ANO6: variants seen among roughly 807,000 people sequenced by gnomAD.
ANO6 encodes the protein anoctamin-6.
In ANO6, 106 loss-of-function variants were observed where a neutral mutation model predicts 117.5. The observed-to-expected ratio is 0.90, with a 90% CI of 0.77 to 1.06. The LOEUF (loss-of-function observed/expected upper bound fraction) is 1.06. Ranked by LOEUF, ANO6 falls within the 50% of genes least tolerant of loss-of-function variation. The pLI, the probability that ANO6 is intolerant of heterozygous loss-of-function variation, is 0.00. For missense variants in ANO6, 955 were observed against 1,121.1 expected, an observed-to-expected ratio of 0.85 and a Z score of 2.12; for synonymous variants, 367 against 385.1, an observed-to-expected ratio of 0.95 and a Z score of 0.55.
At chr12:45,316,979 G>A (rs1940051856) in intron 2 of ANO6, among the ~76,000 whole-genome samples, 2 of 148,016 alleles carry the variant, frequency 1.4e-5, no homozygotes, top group Non-Finnish European at 3.0e-5. Context: ...TAAAAAATAT[G>A]TATTAATTCA....
chr12:45,231,697 C>G (rs191427855), intron 1 of ANO6, among the ~76,000 whole-genome samples: 75 of 152,260 alleles, frequency 4.9e-4, no homozygotes, highest in Non-Finnish European at 8.8e-4. Context: ...TTTTCTGCCT[C>G]CATTTAAATT....
chr12:45,300,879 AATG>A (rs1939459578), intron 1 of ANO6, among the ~76,000 whole-genome samples: 1 of 152,222 alleles, frequency 6.6e-6, no homozygotes, highest in Admixed American at 6.5e-5. Flanking sequence ...ACATGCTGCA[AATG>A]ATTGTTTTGT....
At chr12:45,314,978 G>A (rs1047172084) in intron 2 of ANO6, among the ~76,000 whole-genome samples, 4 of 152,044 alleles carry the variant, frequency 2.6e-5, no homozygotes, top group African/African-American at 7.2e-5. Context: ...TTTGCATTGA[G>A]CCTAGAGTTG....
At chr12:45,294,402 TTC>T (rs1350099499) in intron 1 of ANO6, among the ~76,000 whole-genome samples, 1 of 152,346 alleles carries the variant, frequency 6.6e-6, no homozygotes, top group African/African-American at 2.4e-5. Context: ...ATGAATAACT[TTC>T]TTTTTCCTTC....
intron 1 of ANO6, among the ~76,000 whole-genome samples, chr12:45,240,351 A>ATTTTTTTTTTTTT (rs57126852): frequency 3.3e-5 from 1 of 30,700 alleles, no homozygotes; most frequent in Non-Finnish European, 8.7e-5. Flanking sequence ...GCAACCCCTG[A>ATTTTTTTTTTTTT]TTTTTTTTTT....
At chr12:45,383,710 A>T (rs544919292) in intron 10 of ANO6, among the ~76,000 whole-genome samples, 1 of 152,230 alleles carries the variant, frequency 6.6e-6, no homozygotes, top group Non-Finnish European at 1.5e-5. Context: ...TTTTATGAAC[A>T]ATGGGCTTAA....
At chr12:45,331,530 C>A in intron 3 of ANO6, 107 bp downstream of exon 3, 1 of 1,054,428 alleles carries the variant, frequency 9.5e-7, no homozygotes, top group Non-Finnish European at 1.4e-6. Context: ...AAATATCATA[C>A]ACAAAACAGT....
intron 2 of ANO6, among the ~76,000 whole-genome samples, chr12:45,311,372 A>G (rs1424581889): frequency 6.6e-6 from 1 of 152,116 alleles, no homozygotes; most frequent in Non-Finnish European, 1.5e-5. Context: ...ATGTGATAAC[A>G]ATGTCAAAAG....
intron 1 of ANO6, among the ~76,000 whole-genome samples, chr12:45,242,782 T>C (rs1182569925): frequency 6.6e-6 from 1 of 152,248 alleles, no homozygotes; most frequent in African/African-American, 2.4e-5. Context: ...AGTTCCCCTC[T>C]GAGTGGTTTT....
In ANO6 at chr12:45,422,941, T is replaced by G. The variant is rs1943403615; in HGVS notation, c.2421-16T>G. 1.3e-6 allele frequency: 2 copies of G among 1,558,448 alleles called. No individual in the cohort carries two copies. Among genetic ancestry groups the G allele is most frequent in the African/African-American group, 2.7e-5 (2 of 73,638 alleles). ...AAAAAGATTTGTCTCCCAATATGTC[T>G]CCATTTTGTTTTCAGGTATCGTGAT... On this transcript the variant is annotated splice_polypyrimidine_tract_variant and intron_variant, in intron 18 of 19. Coordinates refer to ENST00000320560, the MANE Select transcript of ANO6 (RefSeq NM_001025356.3).
chr12:45,311,516 A>G, intron 2 of ANO6, among the ~76,000 whole-genome samples: 1 of 152,078 alleles, frequency 6.6e-6, no homozygotes, highest in Non-Finnish European at 1.5e-5. Flanking sequence ...TTGAGAGGGA[A>G]TGATCAGCAT....
intron 1 of ANO6, among the ~76,000 whole-genome samples, chr12:45,244,927 G>A (rs1051740121): frequency 1.3e-5 from 2 of 152,178 alleles, no homozygotes; most frequent in African/African-American, 4.8e-5. Context: ...AATTAATGCG[G>A]TGACAAAAAG....
chr12:45,220,606 A>G (rs888800710), intron 1 of ANO6, among the ~76,000 whole-genome samples: 3 of 152,218 alleles, frequency 2.0e-5, no homozygotes, highest in Non-Finnish European at 4.4e-5. Flanking sequence ...CCAGGAGAAA[A>G]GTTCCTTAGA....
Position 45,431,762 on chromosome 12 carries a change from G to A in ANO6, c.*2451G>A. 1.0e-6 allele frequency: 1 copy of A among 985,458 alleles called. No homozygotes were observed. The highest frequency in any genetic ancestry group is 1.2e-6 in the Non-Finnish European group (1 of 829,966). 61.0% of individuals were successfully genotyped at this position (985,458 alleles called of 1,614,324 possible). ...AGTGGCTTCAGAGGCAGCAGCCCTG[G>A]GGAAATTGATGGGTGTGGCAGTGGA... On this transcript the variant is annotated 3_prime_UTR_variant, in exon 20 of 20. Transcript: ENST00000320560.
At chr12:45,439,753 T>G in exon 20 of ANO6, 3 of 1,549,664 alleles carry the variant, frequency 1.9e-6, no homozygotes. Flanking sequence ...AGTTGACTGC[T>G]GTATGTGTTA....
At chr12:45,291,703 A>G (rs1939107075) in intron 1 of ANO6, among the ~76,000 whole-genome samples, 1 of 152,200 alleles carries the variant, frequency 6.6e-6, no homozygotes, top group Non-Finnish European at 1.5e-5. Flanking sequence ...CACAGGAGGG[A>G]ATGCTCAACA....
chr12:45,425,971 A>G (rs1230664627), intron 19 of ANO6, among the ~76,000 whole-genome samples: 1 of 152,204 alleles, frequency 6.6e-6, no homozygotes, highest in Non-Finnish European at 1.5e-5. Context: ...CTTTAAGACA[A>G]CAACTTCTAA....
chr12:45,276,088 C>T (rs958130629), intron 1 of ANO6, among the ~76,000 whole-genome samples: 10 of 152,194 alleles, frequency 6.6e-5, no homozygotes, highest in African/African-American at 9.7e-5. Flanking sequence ...TCTGTGTCTT[C>T]ACCATCTCAG....
At chr12:45,424,330 T>TG (rs1565773204) in intron 19 of ANO6, among the ~76,000 whole-genome samples, 1 of 107,596 alleles carries the variant, frequency 9.3e-6, no homozygotes, top group Admixed American at 8.9e-5. Context: ...GTGATGGGTT[T>TG]TTTTTTTTTT....
Sources: allele counts gnomAD v4.1 joint callset (sites outside exome capture counted in the v4.1 genomes callset), GRCh38; gene constraint gnomAD v4.1.1; transcripts MANE v1.5; gene names NCBI Gene and HGNC (gene_info 2026-07-23, HGNC 2026-07-21).